The following PCDH9 variants were observed in gnomAD, a reference collection of about 807,000 sequenced individuals.
PCDH9 encodes the protein protocadherin-9.
A neutral mutation model predicts 70.6 loss-of-function variants in PCDH9; 24 were observed. The ratio of observed to expected loss-of-function variants is 0.34; its 90% CI spans 0.25 to 0.48. The LOEUF is 0.48. Ranked by LOEUF, PCDH9 falls within the 20% of genes least tolerant of loss-of-function variation. PCDH9 has a pLI of 0.99. For synonymous variants in PCDH9, 562 were observed against 558.5 expected (o/e 1.01, Z -0.09); for missense variants, 1,281 against 1,503.6 (o/e 0.85, Z 2.45).
chr13:67,113,697 G>A (rs183341171), intron 2 of PCDH9, among the ~76,000 whole-genome samples: 10 of 152,136 alleles, frequency 6.6e-5, no homozygotes, highest in Admixed American at 2.0e-4. Flanking sequence ...ACAGGCGCCC[G>A]CCATCACGCC....
At chr13:66,658,732 G>C (rs113045620) in intron 3 of PCDH9, among the ~76,000 whole-genome samples, 1 of 151,958 alleles carries the variant, frequency 6.6e-6, no homozygotes, top group African/African-American at 2.4e-5. Context: ...TTTCTTAATG[G>C]TATATAAAAT....
At chr13:66,999,428 A>G (rs1001078999) in intron 2 of PCDH9, among the ~76,000 whole-genome samples, 1 of 152,204 alleles carries the variant, frequency 6.6e-6, no homozygotes, top group Non-Finnish European at 1.5e-5. Context: ...ACTAAATATA[A>G]TTAGTTTTTA....
chr13:66,338,922 C>G (rs1452227324), intron 4 of PCDH9, among the ~76,000 whole-genome samples: 1 of 151,600 alleles, frequency 6.6e-6, no homozygotes, highest in Non-Finnish European at 1.5e-5. Flanking sequence ...AACAATTCCA[C>G]AAAACCAATT....
chr13:66,707,831 T>C (rs1954258341), intron 3 of PCDH9, among the ~76,000 whole-genome samples: 1 of 152,172 alleles, frequency 6.6e-6, no homozygotes, highest in African/African-American at 2.4e-5. Context: ...CTCAAAATAT[T>C]TACAAGGTTT....
intron 2 of PCDH9, among the ~76,000 whole-genome samples, chr13:67,174,280 C>A (rs6562483): frequency 0.68 from 102,340 of 151,292 alleles, 35,554 homozygotes; most frequent in Non-Finnish European, 0.77. Context: ...TGATAGATAG[C>A]TAGATAGACA....
intron 2 of PCDH9, chr13:67,211,950 C>T (rs1359757075): frequency 6.6e-6 from 1 of 152,048 alleles, no homozygotes; most frequent in African/African-American, 2.4e-5. Flanking sequence ...GATGTCTCTA[C>T]AAGTGAAATT....
chr13:66,662,811 A>G (rs1397534096), intron 3 of PCDH9, among the ~76,000 whole-genome samples: 1 of 152,224 alleles, frequency 6.6e-6, no homozygotes, highest in African/African-American at 2.4e-5. Flanking sequence ...CAATTTTAAA[A>G]CATAGTATGT....
chr13:66,337,622 C>CAAACAA, intron 4 of PCDH9, among the ~76,000 whole-genome samples: 1 of 151,762 alleles, frequency 6.6e-6, no homozygotes, highest in Non-Finnish European at 1.5e-5. Flanking sequence ...AACAAACAAA[C>CAAACAA]AGAAATACAG....
At chr13:67,172,153 A>G (rs1375183965) in intron 2 of PCDH9, among the ~76,000 whole-genome samples, 1 of 152,132 alleles carries the variant, frequency 6.6e-6, no homozygotes, top group African/African-American at 2.4e-5. Context: ...TCATGGTACT[A>G]TTTCAGGCAC....
At chr13:66,836,390 T>G (rs948075369) in intron 3 of PCDH9, among the ~76,000 whole-genome samples, 3 of 152,204 alleles carry the variant, frequency 2.0e-5, no homozygotes, top group African/African-American at 7.2e-5. Context: ...TCATGTATTT[T>G]TTTAAAAAAT....
chr13:66,500,275 G>C (rs1959169892), intron 4 of PCDH9, among the ~76,000 whole-genome samples: 1 of 151,768 alleles, frequency 6.6e-6, no homozygotes, highest in Admixed American at 6.6e-5. Context: ...TTCACTTCTG[G>C]GTACATATTT....
At chr13:66,627,465 T>G (rs991584273) in intron 4 of PCDH9, among the ~76,000 whole-genome samples, 11 of 152,186 alleles carry the variant, frequency 7.2e-5, no homozygotes, top group African/African-American at 2.7e-4. Flanking sequence ...GAACATTCAG[T>G]CTGACTCTCT....
intron 3 of PCDH9, among the ~76,000 whole-genome samples, chr13:66,660,255 A>C (rs932867118): frequency 2.7e-4 from 41 of 152,172 alleles, no homozygotes; most frequent in Non-Finnish European, 2.1e-4. Flanking sequence ...CAGAAGCAAG[A>C]GCTGTTCTGA....
Position 66,326,883 on chromosome 13 carries a change from C to A in PCDH9, c.3341-21855G>T, listed in dbSNP as rs1435891717. 7.4e-3 allele frequency among the ~76,000 whole-genome samples: 1,120 copies of A among 152,240 alleles called. 8 individuals carry two copies. The highest frequency in any genetic ancestry group is 0.025 in the African/African-American group (1,049 of 41,522). On this transcript the variant is annotated intron_variant, in intron 4 of 4. Coordinates refer to ENST00000377865, the MANE Select transcript of PCDH9 (RefSeq NM_203487.3). The stretch of plus-strand genomic sequence containing the variant: ...AAACAAAATGCCTCTTCTTCCCCAC[C>A]CAACTTAAGCACAATGGCTTAGTTT...
intron 4 of PCDH9, among the ~76,000 whole-genome samples, chr13:66,410,799 A>G (rs1431914147): frequency 6.6e-6 from 1 of 152,014 alleles, no homozygotes; most frequent in African/African-American, 2.4e-5. Context: ...TAAAATGCCG[A>G]TTTTTTTTCC....
chr13:66,634,390 G>T (rs2077611036), intron 3 of PCDH9, among the ~76,000 whole-genome samples: 1 of 152,188 alleles, frequency 6.6e-6, no homozygotes, highest in Non-Finnish European at 1.5e-5. Context: ...GTAAGGAGAT[G>T]AACTGAATAA....
chr13:66,606,253 C>T (rs1475245870), intron 4 of PCDH9, among the ~76,000 whole-genome samples: 1 of 152,060 alleles, frequency 6.6e-6, no homozygotes, highest in African/African-American at 2.4e-5. Flanking sequence ...GCACACATCT[C>T]CCTCCTGAAT....
At chr13:66,786,190 C>T (rs2080077096) in intron 3 of PCDH9, among the ~76,000 whole-genome samples, 1 of 152,096 alleles carries the variant, frequency 6.6e-6, no homozygotes, top group African/African-American at 2.4e-5. Context: ...CTAATAGAAC[C>T]TTGGTATTAT....
At chr13:66,623,305 T>C (rs151001098) in intron 4 of PCDH9, among the ~76,000 whole-genome samples, 16 of 152,336 alleles carry the variant, frequency 1.1e-4, no homozygotes, top group East Asian at 3.9e-4. Flanking sequence ...CCAGTAGTGA[T>C]TGTGTTGAGT....
Sources: allele counts gnomAD v4.1 joint callset (sites outside exome capture counted in the v4.1 genomes callset), GRCh38; gene constraint gnomAD v4.1.1; transcripts MANE v1.5; gene names NCBI Gene and HGNC (gene_info 2026-07-23, HGNC 2026-07-21).